GNG11: variants seen among roughly 807,000 people sequenced by gnomAD.
GNG11 encodes the protein guanine nucleotide-binding protein G(I)/G(S)/G(O) subunit gamma-11.
A neutral mutation model predicts 7.4 loss-of-function variants in GNG11; 6 were observed. The ratio of observed to expected loss-of-function variants is 0.81; its 90% confidence interval spans 0.44 to 1.60. The LOEUF is 1.60. Ranked by LOEUF, GNG11 falls within the 40% of genes most tolerant of loss-of-function variation. The pLI, the probability that GNG11 is intolerant of heterozygous loss-of-function variation, is 0.01. For synonymous variants in GNG11, 31 were observed against 25.9 expected, an observed-to-expected ratio of 1.20 and a Z score of -0.60; for missense variants, 65 against 83.0, an observed-to-expected ratio of 0.78 and a Z score of 0.84.
In GNG11 at chr7:93,921,782, TG is replaced by T. The variant is rs1794612289; in HGVS notation, c.-355del. 1 of 171,636 alleles carries T rather than the reference TG, an allele frequency of 5.8e-6. No homozygotes were observed. Among genetic ancestry groups the T allele is most frequent in the African/African-American group, 2.4e-5 (1 of 42,302 alleles). 10.6% of individuals were successfully genotyped at this position (171,636 alleles called of 1,614,324 possible). ...CGTCCCCCGCGGGCGTGGCAGGTCC[TG>T]AGTCAGGGCCTGTCCGTGGCCAGCA... On this transcript the variant is annotated 5_prime_UTR_variant, in exon 1 of 2. Coordinates refer to ENST00000248564, the MANE Select transcript of GNG11 (RefSeq NM_004126.4).
Position 93,926,116 on chromosome 7 carries a change from AG to A in GNG11, c.123del (p.Asn42ThrfsTer12). Reference sequence around the variant, plus strand: ...GTGTCTAAATGTTCTGAAGAAATAAAGAACTATATTGAAGAACGTTCTGGAG... The same window carrying A: ...GTGTCTAAATGTTCTGAAGAAATAAAAACTATATTGAAGAACGTTCTGGAG... Reference protein sequence around the residue: ...QQVSKCSEEIKNYIEERSGED... With the variant: ...QQVSKCSEEIXNYIEERSGED... On this transcript the variant is annotated frameshift_variant, in exon 2 of 2. Transcript: ENST00000248564. LOFTEE classifies it high-confidence loss of function. 1 of 1,532,348 alleles carries A rather than the reference AG, an allele frequency of 6.5e-7. No homozygotes were observed. Among genetic ancestry groups the A allele is most frequent in the African/African-American group, 1.4e-5 (1 of 72,428 alleles). The allele number at this position is 1,532,348 out of a possible 1,614,324, so 94.9% of individuals were successfully genotyped here. A position where few individuals can be genotyped will look rare whatever the true frequency, so the allele number is the denominator to read the frequency against.
Position 93,922,249 on chromosome 7 carries a change from C to T in GNG11, c.96+16C>T, listed in dbSNP as rs372409469. ...GAGACAACAAGTAAGTTGGCTGTTC[C>T]GGAATATTTCCTTCTCTGAAATGAA... On this transcript the variant is annotated intron_variant, in intron 1 of 1. Transcript: ENST00000248564. 1.1e-4 allele frequency: 165 copies of T among 1,438,328 alleles called. 1 individual carries two copies. In the African/African-American group the frequency reaches 1.9e-3, roughly 16 times the overall value. 89.1% of individuals were successfully genotyped at this position (1,438,328 alleles called of 1,614,324 possible). A position where few individuals can be genotyped will look rare whatever the true frequency, so the allele number is the denominator to read the frequency against.
chr7:93,922,045 C>A lies in GNG11; in HGVS notation c.-93C>A. The A allele has an allele frequency of 1.4e-6, 1 of 710,158 alleles. No individual in the cohort carries two copies. The highest frequency in any genetic ancestry group is 2.2e-5 in the South Asian group (1 of 45,952). The allele number at this position is 710,158 out of a possible 1,614,324, so 44.0% of individuals were successfully genotyped here. A position where few individuals can be genotyped will look rare whatever the true frequency, so the allele number is the denominator to read the frequency against. The stretch of plus-strand genomic sequence containing the variant: ...CATCCTGCGCGGGTGGGCGGCGGGC[C>A]AGGCCTTCAGTTGTTTCGGGACGCG... On this transcript the variant is annotated 5_prime_UTR_variant, in exon 1 of 2. Coordinates refer to ENST00000248564, the MANE Select transcript of GNG11 (RefSeq NM_004126.4).
At chr7:93,923,518 C>T (rs890347998) in intron 1 of GNG11, among the ~76,000 whole-genome samples, 1 of 152,028 alleles carries the variant, frequency 6.6e-6, no homozygotes, top group Admixed American at 6.5e-5. Context: ...TTATGGATGG[C>T]GAAGTTCCCA....
At chr7:93,925,081 T>C (rs577548146) in intron 1 of GNG11, among the ~76,000 whole-genome samples, 1 of 152,094 alleles carries the variant, frequency 6.6e-6, no homozygotes, top group South Asian at 2.1e-4. Context: ...GGAGAATGGC[T>C]AGAATCCGGG....
chr7:93,922,198 C>G lies in GNG11; in HGVS notation c.61C>G (p.Gln21Glu). 1 of 1,594,104 alleles carries G rather than the reference C, an allele frequency of 6.3e-7. No individual in the cohort carries two copies. ...EKEKLKMEVE[Q>E]LRKEVKLQRQ... The stretch of plus-strand genomic sequence containing the variant: ...GGAAAAACTGAAAATGGAAGTTGAG[C>G]AGCTTCGCAAAGAAGTGAAGTTGCA... Residue 21 changes from glutamine (Q) to glutamate (E), a missense_variant, in exon 1 of 2, where the codon CAG becomes GAG. By Grantham distance (29) the Gln-to-Glu change is conservative. Coordinates refer to ENST00000248564, the MANE Select transcript of GNG11 (RefSeq NM_004126.4).
chr7:93,926,246 G>A lies in GNG11; in HGVS notation c.*30G>A, dbSNP rs561157182. ...CTTGGGAGAAACTGCATCCTAAGTG[G>A]AAGAACTAGTTTGTTTTAGTTTTCC... is the stretch of plus-strand genomic sequence containing the variant. On this transcript the variant is annotated 3_prime_UTR_variant, in exon 2 of 2. Coordinates refer to ENST00000248564, the MANE Select transcript of GNG11 (RefSeq NM_004126.4). 9.1e-6 allele frequency: 14 copies of A among 1,530,078 alleles called. No individual in the cohort carries two copies. In the East Asian group the frequency reaches 2.1e-4, roughly 23 times the overall value. 94.8% of individuals were successfully genotyped at this position (1,530,078 alleles called of 1,614,324 possible).
At position 93,921,843 on chromosome 7, in the gene GNG11, T is replaced by G. The variant is rs1399171284; in HGVS notation, c.-295T>G. On this transcript the variant is annotated 5_prime_UTR_variant, in exon 1 of 2. Transcript: ENST00000248564. ...GGCGATTGAGCAGCGGGAAGCTGCT[T>G]GGACCCAGTCTCAAACTTAACCCTC... 4.2e-6 allele frequency: 1 copy of G among 240,574 alleles called. No individual in the cohort carries two copies. The highest frequency in any genetic ancestry group is 7.8e-5 in the East Asian group (1 of 12,810). The allele number at this position is 240,574 out of a possible 1,614,324, so 14.9% of individuals were successfully genotyped here.
chr7:93,926,252 C>A lies in GNG11; in HGVS notation c.*36C>A. 6.6e-7 allele frequency: 1 copy of A among 1,515,336 alleles called. No homozygotes were observed. Among genetic ancestry groups the A allele is most frequent in the South Asian group, 1.3e-5 (1 of 77,554 alleles). 93.9% of individuals were successfully genotyped at this position (1,515,336 alleles called of 1,614,324 possible). On this transcript the variant is annotated 3_prime_UTR_variant, in exon 2 of 2. Transcript: ENST00000248564. The stretch of plus-strand genomic sequence containing the variant: ...AGAAACTGCATCCTAAGTGGAAGAA[C>A]TAGTTTGTTTTAGTTTTCCCAGATA...
At chr7:93,923,812 G>T (rs995678028) in intron 1 of GNG11, among the ~76,000 whole-genome samples, 1 of 152,170 alleles carries the variant, frequency 6.6e-6, no homozygotes, top group African/African-American at 2.4e-5. Flanking sequence ...GACACGGCCT[G>T]TGGCATCAAC....
Position 93,926,117 on chromosome 7 carries a change from G to T in GNG11, c.123G>T (p.Lys41Asn). 6.5e-7 allele frequency: 1 copy of T among 1,536,968 alleles called. No homozygotes were observed. Among genetic ancestry groups the T allele is most frequent in the Non-Finnish European group, 8.9e-7 (1 of 1,126,620 alleles). Residue 41 changes from lysine to asparagine, a missense_variant, in exon 2 of 2, where the codon AAG becomes AAT. Coordinates refer to ENST00000248564, the MANE Select transcript of GNG11 (RefSeq NM_004126.4). Reference sequence around the variant, plus strand: ...TGTCTAAATGTTCTGAAGAAATAAAGAACTATATTGAAGAACGTTCTGGAG... The same window carrying T: ...TGTCTAAATGTTCTGAAGAAATAAATAACTATATTGAAGAACGTTCTGGAG... Reference protein sequence around the residue: ...QQVSKCSEEIKNYIEERSGED... With the variant: ...QQVSKCSEEINNYIEERSGED...
rs550054169 is a variant in GNG11 at position 93,925,172 on chromosome 7, A to G, written c.97-919A>G. ...GAGCAAGACTCCATCTCAAAAAGAA[A>G]TAAATAATTAAATTAAATTAAATTT... is the stretch of plus-strand genomic sequence containing the variant. On this transcript the variant is annotated intron_variant, in intron 1 of 1. Coordinates refer to ENST00000248564, the MANE Select transcript of GNG11 (RefSeq NM_004126.4). Among the ~76,000 whole-genome samples the G allele has an allele frequency of 3.3e-5, 5 of 152,338 alleles. No homozygotes were observed. The South Asian group carries it at 1.0e-3, about 32-fold the overall frequency.
chr7:93,924,045 A>G (rs62466690), intron 1 of GNG11, among the ~76,000 whole-genome samples: 1,874 of 152,340 alleles, frequency 0.012, 23 homozygotes, highest in Middle Eastern at 0.034. Flanking sequence ...TGAGTCCCAC[A>G]AAGGCTAACT....
At chr7:93,925,579 A>G (rs1451665129) in intron 1 of GNG11, among the ~76,000 whole-genome samples, 1 of 152,226 alleles carries the variant, frequency 6.6e-6, no homozygotes, top group Non-Finnish European at 1.5e-5. Flanking sequence ...GTGAAATTTC[A>G]GAACATGGCA....
rs115868933 is a variant in GNG11 at position 93,927,297 on chromosome 7, T to A, written c.*1081T>A. The A allele has an allele frequency of 1.3e-5, 2 of 152,330 alleles. No individual in the cohort carries two copies. The highest frequency in any genetic ancestry group is 3.9e-4 in the East Asian group (2 of 5,190). The allele number at this position is 152,330 out of a possible 1,614,324, so 9.4% of individuals were successfully genotyped here. The stretch of plus-strand genomic sequence containing the variant: ...AGTGACCTTCCCTTCAGTGGTTTTA[T>A]CCTGCAGGGCAACACGTCAGAGTAT... On this transcript the variant is annotated 3_prime_UTR_variant, in exon 2 of 2. Coordinates refer to ENST00000248564, the MANE Select transcript of GNG11 (RefSeq NM_004126.4).
chr7:93,925,403 A>G (rs1198376250), intron 1 of GNG11, among the ~76,000 whole-genome samples: 1 of 152,152 alleles, frequency 6.6e-6, no homozygotes, highest in Admixed American at 6.5e-5. Context: ...TCCATCTCAG[A>G]AAAAAATTTA....
rs1362535778 is a variant in GNG11, at chr7:93,928,252, CT to C, written c.*2039del. 1.3e-5 allele frequency: 2 copies of C among 152,192 alleles called. No individual in the cohort carries two copies. The highest frequency in any genetic ancestry group is 2.9e-5 in the Non-Finnish European group (2 of 68,036). 9.4% of individuals were successfully genotyped at this position (152,192 alleles called of 1,614,324 possible). On this transcript the variant is annotated 3_prime_UTR_variant, in exon 2 of 2. Coordinates refer to ENST00000248564, the MANE Select transcript of GNG11 (RefSeq NM_004126.4). ...GTCCTAGCTTTTGCTCTTCATGTCT[CT>C]TTCAACCATATGATCAATCAGTTGG...
rs188357285 is a variant in GNG11 at position 93,926,629 on chromosome 7, G to A, written c.*413G>A. On this transcript the variant is annotated 3_prime_UTR_variant, in exon 2 of 2. Transcript: ENST00000248564. Reference sequence around the variant, plus strand: ...TTTGGAATATGATTCAGAAGGTTAGGTGGTTCGACAGATCACATCTCCAAA... The same window carrying A: ...TTTGGAATATGATTCAGAAGGTTAGATGGTTCGACAGATCACATCTCCAAA... 6.5e-6 allele frequency: 1 copy of A among 153,300 alleles called. No individual in the cohort carries two copies. The highest frequency in any genetic ancestry group is 1.9e-4 in the East Asian group (1 of 5,218). 9.5% of individuals were successfully genotyped at this position (153,300 alleles called of 1,614,324 possible). A position where few individuals can be genotyped will look rare whatever the true frequency, so the allele number is the denominator to read the frequency against.
rs1290454494 is a variant in GNG11, at chr7:93,926,076, T to C, written c.97-15T>C. On this transcript the variant is annotated splice_polypyrimidine_tract_variant and intron_variant, in intron 1 of 1. Coordinates refer to ENST00000248564, the MANE Select transcript of GNG11 (RefSeq NM_004126.4). ...ACCCTAACCTAATGTATTCTCTTTT[T>C]TTTCTATACTTAAGGTGTCTAAATG... 6.8e-7 allele frequency: 1 copy of C among 1,460,260 alleles called. No individual in the cohort carries two copies. The highest frequency in any genetic ancestry group is 9.3e-7 in the Non-Finnish European group (1 of 1,079,208). The allele number at this position is 1,460,260 out of a possible 1,614,324, so 90.5% of individuals were successfully genotyped here. A position where few individuals can be genotyped will look rare whatever the true frequency, so the allele number is the denominator to read the frequency against.
Sources: gnomAD v4.1 joint callset for allele counts (sites outside exome capture counted in the v4.1 genomes callset) on GRCh38, gnomAD v4.1.1 for gene constraint, MANE v1.5 for transcripts, NCBI Gene and HGNC (gene_info 2026-07-23, HGNC 2026-07-21) for gene names.